LPA: variants seen among roughly 807,000 people sequenced by gnomAD.
LPA encodes the protein apolipoprotein(a).
A neutral mutation model predicts 197.9 loss-of-function variants in LPA; 199 were observed. That is an observed-to-expected ratio of 1.01 (90% confidence interval 0.90 to 1.13). The LOEUF is 1.13. Among genes scored for constraint, LPA ranks in the 50% most tolerant of loss-of-function variants. The pLI is 0.00. For synonymous variants in LPA, 715 were observed against 639.5 expected (o/e 1.12, Z -1.78); for missense variants, 1,853 against 1,785.8 (o/e 1.04, Z -0.68).
At chr6:160,651,950 A>G (rs534386538) in intron 1 of LPA, among the ~76,000 whole-genome samples, 3 of 152,032 alleles carry the variant, frequency 2.0e-5, no homozygotes, top group South Asian at 4.2e-4. Context: ...AAAATAATCC[A>G]TAAACTTGAA....
At chr6:160,589,322 C>G (rs7450411) in intron 24 of LPA, among the ~76,000 whole-genome samples, 43 of 152,168 alleles carry the variant, frequency 2.8e-4, no homozygotes, top group South Asian at 1.2e-3. Context: ...ATTCATGAGA[C>G]CTCACCACCT....
At chr6:160,554,970 T>C (rs957817886) in intron 30 of LPA, among the ~76,000 whole-genome samples, 15 of 152,106 alleles carry the variant, frequency 9.9e-5, no homozygotes, top group African/African-American at 3.1e-4. Context: ...ATTCATTTCC[T>C]TTTCTAAATT....
At chr6:160,588,606 C>G (rs1340115353) in intron 24 of LPA, among the ~76,000 whole-genome samples, 1 of 152,164 alleles carries the variant, frequency 6.6e-6, no homozygotes. Context: ...TTGTATTTAG[C>G]CAAAGCCTTG....
At chr6:160,531,951 T>C in intron 38 of LPA, 61 bp from the exon 39 acceptor site, 1 of 1,565,184 alleles carries the variant, frequency 6.4e-7, no homozygotes, top group East Asian at 2.2e-5. Context: ...TAATATGGGA[T>C]GCCATCCTTC....
intron 27 of LPA, among the ~76,000 whole-genome samples, chr6:160,578,160 CT>C (rs1562328797): frequency 2.0e-5 from 3 of 152,294 alleles, no homozygotes; most frequent in Non-Finnish European, 4.4e-5. Context: ...TGAAAAAAGT[CT>C]ACTTTAAATC....
At chr6:160,545,239 G>C (rs910771130) in intron 33 of LPA, among the ~76,000 whole-genome samples, 1 of 152,022 alleles carries the variant, frequency 6.6e-6, no homozygotes, top group African/African-American at 2.4e-5. Flanking sequence ...GGTGGGAGGG[G>C]CGGGTGTTTT....
At chr6:160,647,587 A>G (rs1046387854) in intron 2 of LPA, among the ~76,000 whole-genome samples, 2 of 152,146 alleles carry the variant, frequency 1.3e-5, no homozygotes, top group African/African-American at 2.4e-5. Context: ...TTTTGAATAC[A>G]TAAAATATTG....
At chr6:160,634,330 T>C (rs1345827172) in intron 7 of LPA, among the ~76,000 whole-genome samples, 4 of 98,120 alleles carry the variant, frequency 4.1e-5, no homozygotes, top group African/African-American at 1.4e-4. Context: ...TTTCCCTAGA[T>C]CGTTGATCAT....
chr6:160,565,581 C>T (rs1265632116), intron 28 of LPA, among the ~76,000 whole-genome samples: 1 of 152,160 alleles, frequency 6.6e-6, no homozygotes, highest in African/African-American at 2.4e-5. Context: ...GAAACCAGAG[C>T]AGAACAGCTG....
intron 2 of LPA, among the ~76,000 whole-genome samples, chr6:160,649,443 G>A (rs1370916433): frequency 6.6e-6 from 1 of 152,168 alleles, no homozygotes; most frequent in Non-Finnish European, 1.5e-5. Context: ...CCACAAATCT[G>A]TTCTCATTGT....
chr6:160,659,223 G>C (rs970113547), intron 1 of LPA, among the ~76,000 whole-genome samples: 3 of 152,150 alleles, frequency 2.0e-5, no homozygotes, highest in African/African-American at 7.2e-5. Flanking sequence ...GGGCAGCAGG[G>C]GCAGGGGCCT....
At chr6:160,577,447 A>T in intron 27 of LPA, 152 bp from the exon 28 acceptor site, 1 of 649,550 alleles carries the variant, frequency 1.5e-6, no homozygotes, top group East Asian at 2.8e-5. Context: ...GACCCAGTAG[A>T]TTCATAGTAT....
intron 2 of LPA, among the ~76,000 whole-genome samples, chr6:160,648,741 G>T (rs556259318): frequency 6.6e-6 from 1 of 152,174 alleles, no homozygotes; most frequent in South Asian, 2.1e-4. Flanking sequence ...ATATCTCTTA[G>T]TAGTTCTTCG....
At chr6:160,661,886 T>C (rs1273235313) in intron 1 of LPA, among the ~76,000 whole-genome samples, 1 of 152,238 alleles carries the variant, frequency 6.6e-6, no homozygotes, top group Non-Finnish European at 1.5e-5. Flanking sequence ...TACAGTGAGT[T>C]CAGTTAAACA....
At chr6:160,578,393 C>T (rs939386094) in intron 27 of LPA, 130 bp downstream of exon 27, 13 of 1,134,188 alleles carry the variant, frequency 1.1e-5, no homozygotes, top group Admixed American at 3.7e-5. Context: ...CCAGAGAGGG[C>T]GCTGAGGCTT....
intron 16 of LPA, among the ~76,000 whole-genome samples, chr6:160,606,877 A>T (rs1779366321): frequency 6.6e-6 from 1 of 152,214 alleles, no homozygotes; most frequent in Admixed American, 6.5e-5. Context: ...AAAAAATCTA[A>T]AGTAGCAAAC....
At chr6:160,538,796 G>C (rs1777931822) in intron 36 of LPA, among the ~76,000 whole-genome samples, 1 of 152,066 alleles carries the variant, frequency 6.6e-6, no homozygotes, top group East Asian at 1.9e-4. Context: ...TAGGGGTGTG[G>C]GGATGTGCGG....
rs1167031960 is a variant in LPA, at chr6:160,585,184, C to G, written c.4151G>C (p.Gly1384Ala). ...SEEAPTENSTGVQDCYRGDGQ... is the reference protein window; with the variant it reads ...SEEAPTENSTAVQDCYRGDGQ... The stretch of plus-strand genomic sequence containing the variant: ...ATCACCTCGGTAGCAGTCCTGGACC[C>G]CAGTGCTGTTTTCAGTTGGTGCTGA... Residue 1384 changes from glycine (G) to alanine (A), a missense_variant, in exon 26 of 39, where the codon GGG becomes GCG. Around this residue, in one of 3 missense-constraint regions of LPA, gnomAD observed 1,737 missense variants for 1,504.4 expected, o/e 1.15. Transcript: ENST00000316300. The G allele has an allele frequency of 1.2e-6, 2 of 1,613,736 alleles. No homozygotes were observed.
chr6:160,562,982 G>A (rs1275165049), intron 28 of LPA, among the ~76,000 whole-genome samples: 3 of 151,620 alleles, frequency 2.0e-5, no homozygotes, highest in Non-Finnish European at 4.4e-5. Context: ...GTCTGGCTAG[G>A]CTTCTATGTA....
Sources: gnomAD v4.1 joint callset for allele counts (sites outside exome capture counted in the v4.1 genomes callset) on GRCh38, gnomAD v4.1.1 for gene constraint, gnomAD v4.1.1 regional missense constraint, MANE v1.5 for transcripts, NCBI Gene and HGNC (gene_info 2026-07-23, HGNC 2026-07-21) for gene names.